The following DOCK10 variants were observed in gnomAD, a reference collection of about 807,000 sequenced individuals.
The protein encoded by DOCK10 is dedicator of cytokinesis protein 10.
Under a neutral mutation model 280.1 loss-of-function variants are expected in DOCK10, and 145 were observed. That is an observed-to-expected ratio of 0.52 (90% confidence interval 0.45 to 0.59). The LOEUF is 0.59. Among genes scored for constraint, DOCK10 ranks in the 20% least tolerant of loss-of-function variants. The pLI, the probability that DOCK10 is intolerant of heterozygous loss-of-function variation, is 0.00. For synonymous variants in DOCK10, 915 were observed against 942.2 expected (o/e 0.97, Z 0.53); for missense variants, 2,368 against 2,651.7 (o/e 0.89, Z 2.35).
chr2:224,793,078 G>A lies in DOCK10; in HGVS notation c.5213-6C>T. ...CTTTTCCACTTTCCAGTAACCTATGGTAGTGCAAGATGAGGTTAGGACATT... is the reference window on the plus strand; with the variant it reads ...CTTTTCCACTTTCCAGTAACCTATGATAGTGCAAGATGAGGTTAGGACATT... On this transcript the variant is annotated splice_polypyrimidine_tract_variant and splice_region_variant and intron_variant, in intron 46 of 55. Transcript: ENST00000258390. 1.3e-6 allele frequency: 2 copies of A among 1,591,052 alleles called. No homozygotes were observed. Among genetic ancestry groups the A allele is most frequent in the Non-Finnish European group, 1.7e-6 (2 of 1,159,906 alleles).
intron 31 of DOCK10, among the ~76,000 whole-genome samples, chr2:224,809,135 G>A (rs1339938192): frequency 6.6e-6 from 1 of 152,138 alleles, no homozygotes; most frequent in East Asian, 1.9e-4. Flanking sequence ...CAAATTTTGA[G>A]CCTGAATTAC....
At position 224,770,316 on chromosome 2, in the gene DOCK10, G is replaced by A. The variant is rs138819761; in HGVS notation, c.6339C>T (p.Asp2113=). Residue 2113 remains aspartate (D), a synonymous_variant, in exon 55 of 56, where the codon GAC becomes GAT. Transcript: ENST00000258390. The surrounding 1 kb of genome is among the most constrained non-coding windows in gnomAD (Gnocchi z 4.5). ...CCTCTTTGATGAGGCGCTCATTCAC[G>A]TCAAGGGCCTGCCCACATGCATCTG... The part of the protein sequence containing the change: ...QFADACGQAL[D]VNERLIKEDQ... The A allele has an allele frequency of 1.3e-3, 2,094 of 1,607,230 alleles. 1 individual carries two copies. The highest frequency in any genetic ancestry group is 1.6e-3 in the Non-Finnish European group (1,856 of 1,177,040).
rs749654060 is a variant in DOCK10 at position 224,770,652 on chromosome 2, A to G, written c.6205-7T>C. The G allele has an allele frequency of 6.8e-6, 11 of 1,607,434 alleles. No homozygotes were observed. The highest frequency in any genetic ancestry group is 1.1e-5 in the South Asian group (1 of 90,928). ...CCATTGGCCCAGCATTAACCTGTTG[A>G]GAAGAAAATTGGTGAAGGATGATCT... On this transcript the variant is annotated splice_polypyrimidine_tract_variant and splice_region_variant and intron_variant, in intron 53 of 55. Transcript: ENST00000258390. The surrounding 1 kb of genome is among the most constrained non-coding windows in gnomAD (Gnocchi z 4.5).
In DOCK10 at chr2:224,819,528, C is replaced by A. The variant is rs753305029; in HGVS notation, c.3185G>T (p.Arg1062Leu). ...CCCTCGGTCCATAAATGTAAAGCAG[C>A]GCTAAAATAGATAAAATTCTAAATT... ...ANHSVARFLKRCFTFMDRGYV... is the reference protein window; with the variant it reads ...ANHSVARFLKLCFTFMDRGYV... The change falls in exon 29 of 56, where the codon CGC (arginine) becomes CTC (leucine). Residue 1062 changes from arginine (R) to leucine (L), a missense_variant and splice_region_variant. Arg to Leu is a moderately radical substitution (Grantham distance 102). Around this residue, in one of 2 missense-constraint regions of DOCK10, gnomAD observed 1,159 missense variants for 1,400.8 expected, o/e 0.83. Coordinates refer to ENST00000258390, the MANE Select transcript of DOCK10 (RefSeq NM_014689.3). 5 of 1,575,998 alleles carry A rather than the reference C, an allele frequency of 3.2e-6. No individual in the cohort carries two copies. The highest frequency in any genetic ancestry group is 3.4e-6 in the Non-Finnish European group (4 of 1,162,850).
At chr2:224,980,129 T>C (rs987918111) in intron 1 of DOCK10, among the ~76,000 whole-genome samples, 1 of 152,156 alleles carries the variant, frequency 6.6e-6, no homozygotes. Flanking sequence ...ACAGTTTAGA[T>C]TACCATCTTC....
intron 1 of DOCK10, among the ~76,000 whole-genome samples, chr2:224,944,040 G>A (rs1444141699): frequency 1.3e-5 from 2 of 152,192 alleles, no homozygotes; most frequent in Non-Finnish European, 2.9e-5. Flanking sequence ...TGGGATTACA[G>A]GCATAAGCCA....
chr2:224,948,707 T>C (rs189502323), intron 1 of DOCK10, among the ~76,000 whole-genome samples: 12 of 152,256 alleles, frequency 7.9e-5, no homozygotes, highest in Admixed American at 6.5e-4. Context: ...ATCAGAAAAA[T>C]ATAAGCACTC....
At chr2:224,902,895 C>T (rs1373881839) in intron 3 of DOCK10, among the ~76,000 whole-genome samples, 1 of 151,968 alleles carries the variant, frequency 6.6e-6, no homozygotes, top group Non-Finnish European at 1.5e-5. Flanking sequence ...AGACCGAGAC[C>T]ATCCTGGCTA....
chr2:224,788,034 A>C (rs188926894), intron 48 of DOCK10, among the ~76,000 whole-genome samples: 2 of 152,082 alleles, frequency 1.3e-5, no homozygotes, highest in East Asian at 1.9e-4. Context: ...ACTCAGCACA[A>C]AAAAAAATGA....
At chr2:224,938,524 CCT>C (rs965946674) in intron 1 of DOCK10, among the ~76,000 whole-genome samples, 3 of 151,998 alleles carry the variant, frequency 2.0e-5, no homozygotes, top group African/African-American at 7.3e-5. Context: ...TTTGAGAGAC[CCT>C]CCAAAAATTC....
Position 224,796,428 on chromosome 2 carries a change from T to A in DOCK10, c.4828-2A>T, listed in dbSNP as rs1389562013. 6.5e-7 allele frequency: 1 copy of A among 1,542,684 alleles called. No individual in the cohort carries two copies. Among genetic ancestry groups the A allele is most frequent in the African/African-American group, 1.4e-5 (1 of 72,752 alleles). On this transcript the variant is annotated splice_acceptor_variant, in intron 43 of 55. Transcript: ENST00000258390. LOFTEE classifies it high-confidence loss of function. ...TAACTGGCTCACAGCTTTGATGAGCTAGAAAAGAAAAAAAATGAACTCTCA... is the reference window on the plus strand; with the variant it reads ...TAACTGGCTCACAGCTTTGATGAGCAAGAAAAGAAAAAAAATGAACTCTCA...
chr2:224,816,751 A>G, intron 29 of DOCK10, 38 bp from the exon 30 acceptor site: 1 of 1,134,392 alleles, frequency 8.8e-7, no homozygotes, highest in East Asian at 2.4e-5. Context: ...TGACTTACAG[A>G]CCAAGAAACT....
At chr2:224,846,697 A>G (rs958706779) in intron 19 of DOCK10, among the ~76,000 whole-genome samples, 1 of 152,110 alleles carries the variant, frequency 6.6e-6, no homozygotes, top group Non-Finnish European at 1.5e-5. Flanking sequence ...GGGTTTCACC[A>G]TGTTGGCCAG....
At position 224,770,321 on chromosome 2, in the gene DOCK10, G is replaced by A. The variant is rs768886621; in HGVS notation, c.6334C>T (p.Leu2112Phe). ...TTGATGAGGCGCTCATTCACGTCAAGGGCCTGCCCACATGCATCTGCAAAT... is the reference window on the plus strand; with the variant it reads ...TTGATGAGGCGCTCATTCACGTCAAAGGCCTGCCCACATGCATCTGCAAAT... Reference protein sequence around the residue: ...RQFADACGQALDVNERLIKED... With the variant: ...RQFADACGQAFDVNERLIKED... Residue 2112 changes from leucine (L) to phenylalanine (F), a missense_variant, in exon 55 of 56, where the codon CTT becomes TTT. Physicochemically the swap from Leu to Phe is conservative, Grantham distance 22. This residue lies in a region of DOCK10 where 1,159 missense variants were observed against 1,400.8 expected (regional missense o/e 0.83). Transcript: ENST00000258390. This position sits in a 1 kb window ranked among gnomAD's most constrained non-coding sequence, Gnocchi z 4.5. 8.1e-6 allele frequency: 13 copies of A among 1,605,190 alleles called. No homozygotes were observed. The highest frequency in any genetic ancestry group is 1.1e-5 in the Non-Finnish European group (13 of 1,176,386).
At chr2:224,779,222 CTT>C (rs113624569) in intron 50 of DOCK10, among the ~76,000 whole-genome samples, 3 of 143,144 alleles carry the variant, frequency 2.1e-5, no homozygotes, top group Non-Finnish European at 1.5e-5. Flanking sequence ...TATCTGGTTT[CTT>C]TTTTTTTTTT....
chr2:224,855,350 A>C (rs2125569314), intron 15 of DOCK10, among the ~76,000 whole-genome samples: 1 of 152,378 alleles, frequency 6.6e-6, no homozygotes, highest in African/African-American at 2.4e-5. Context: ...AAAGTACAAG[A>C]GTAAATTATA....
chr2:225,036,070 T>C (rs1049101492), intron 1 of DOCK10, among the ~76,000 whole-genome samples: 1 of 152,164 alleles, frequency 6.6e-6, no homozygotes, highest in African/African-American at 2.4e-5. Context: ...TTGAAGTAAT[T>C]GTATTTAAAA....
At chr2:224,825,919 T>C (rs1434857472) in intron 27 of DOCK10, among the ~76,000 whole-genome samples, 1 of 152,148 alleles carries the variant, frequency 6.6e-6, no homozygotes, top group East Asian at 1.9e-4. Context: ...CTGGGATGCA[T>C]GGGCAGAACT....
chr2:224,834,087 T>TA, intron 26 of DOCK10, 63 bp downstream of exon 26: 1 of 938,878 alleles, frequency 1.1e-6, no homozygotes, highest in South Asian at 1.4e-5. Context: ...CCTATCATTT[T>TA]CCAGGAGTAA....
Sources: allele counts gnomAD v4.1 joint callset (sites outside exome capture counted in the v4.1 genomes callset), GRCh38; gene constraint gnomAD v4.1.1; regional missense constraint gnomAD v4.1.1; non-coding constraint Gnocchi (gnomAD v3.1); transcripts MANE v1.5; gene names NCBI Gene and HGNC (gene_info 2026-07-23, HGNC 2026-07-21).